Variants in CR1 observed in about 807,000 individuals in gnomAD.
CR1 encodes the protein complement C3b/C4b receptor 1 (Knops blood group).
In CR1, 116 loss-of-function variants were observed where a neutral mutation model predicts 187.3. The observed-to-expected ratio is 0.62, with a 90% CI of 0.53 to 0.72. The LOEUF is 0.72. Among genes scored for constraint, CR1 ranks in the 30% least tolerant of loss-of-function variants. The pLI, the probability that CR1 is intolerant of heterozygous loss-of-function variation, is 0.00. For missense variants in CR1, 1,731 were observed against 2,110.7 expected (o/e 0.82, Z 3.52); for synonymous variants, 576 against 747.1 (o/e 0.77, Z 3.73).
At chr1:207,615,067 C>T (rs1337670972) in intron 40 of CR1, among the ~76,000 whole-genome samples, 2 of 152,162 alleles carry the variant, frequency 1.3e-5, no homozygotes, top group South Asian at 2.1e-4. Flanking sequence ...CCTTGGCCTC[C>T]AAAAGTGTTA....
chr1:207,583,211 G>A (rs901235451), intron 32 of CR1, among the ~76,000 whole-genome samples: 1 of 152,180 alleles, frequency 6.6e-6, no homozygotes, highest in South Asian at 2.1e-4. Context: ...TGGAAGCCAA[G>A]TATGGAAATT....
At chr1:207,526,200 G>C (rs1292268363) in intron 5 of CR1, among the ~76,000 whole-genome samples, 1 of 152,034 alleles carries the variant, frequency 6.6e-6, no homozygotes, top group East Asian at 1.9e-4. Context: ...CATGAGGAGA[G>C]GAGACCCATA....
intron 40 of CR1, among the ~76,000 whole-genome samples, chr1:207,615,855 T>C (rs1662075539): frequency 6.6e-6 from 1 of 152,226 alleles, no homozygotes; most frequent in Admixed American, 6.5e-5. Context: ...AGTCAATCAT[T>C]GTTTGATGTA....
At chr1:207,604,480 C>T (rs137910590) in intron 35 of CR1, among the ~76,000 whole-genome samples, 48 of 152,280 alleles carry the variant, frequency 3.2e-4, no homozygotes, top group Admixed American at 6.5e-4. Flanking sequence ...TTGATACACA[C>T]GGATTTTGCT....
At position 207,496,237 on chromosome 1, in the gene CR1, C is replaced by T. The variant is rs1379592081; in HGVS notation, c.-31C>T. 6 of 1,613,590 alleles carry T rather than the reference C, an allele frequency of 3.7e-6. No individual in the cohort carries two copies. In the African/African-American group the frequency reaches 6.7e-5, roughly 18 times the overall value. ...CTCTTATTTCAGTTTTCTTCGAGAT[C>T]AAATCTGGTTTGTAGATGTGCTTGG... On this transcript the variant is annotated 5_prime_UTR_variant, in exon 1 of 47. Coordinates refer to ENST00000367049, the MANE Select transcript of CR1 (RefSeq NM_000651.6).
chr1:207,572,370 A>G (rs1188002014), intron 27 of CR1, among the ~76,000 whole-genome samples: 2 of 151,310 alleles, frequency 1.3e-5, no homozygotes, highest in Non-Finnish European at 1.5e-5. Flanking sequence ...GGCCTTCAGC[A>G]ACCACCACCC....
intron 35 of CR1, among the ~76,000 whole-genome samples, chr1:207,596,867 T>C (rs1414109332): frequency 1.4e-5 from 2 of 147,908 alleles, no homozygotes; most frequent in Admixed American, 1.4e-4. Flanking sequence ...TGATATAAAA[T>C]ATTATATAAA....
At chr1:207,511,758 A>G in intron 4 of CR1, 104 bp downstream of exon 4, 1 of 1,130,408 alleles carries the variant, frequency 8.8e-7, no homozygotes, top group South Asian at 1.4e-5. Flanking sequence ...TCTGTCCTTC[A>G]CACGGCTGAA....
chr1:207,575,057 T>C (rs1047305977), intron 27 of CR1, among the ~76,000 whole-genome samples: 7 of 152,328 alleles, frequency 4.6e-5, no homozygotes, highest in South Asian at 4.1e-4. Context: ...GAAAGAATGA[T>C]GATGAAAGCA....
intron 35 of CR1, among the ~76,000 whole-genome samples, chr1:207,596,041 A>ATATATCTATATCTATATATATCTATATC (rs1661428277): frequency 1.4e-5 from 2 of 142,008 alleles, no homozygotes; most frequent in African/African-American, 2.6e-5. Flanking sequence ...TATAAAATCT[A>ATATATCTATATCTATATATATCTATATC]TATATCTATA....
At chr1:207,625,902 A>G (rs1269350523) in intron 45 of CR1, among the ~76,000 whole-genome samples, 1 of 152,180 alleles carries the variant, frequency 6.6e-6, no homozygotes, top group African/African-American at 2.4e-5. Flanking sequence ...GCAATTAGGG[A>G]AGTCACAAAT....
At chr1:207,617,507 A>ATATATATATATATATGTGTGTGTG (rs1332301171) in intron 41 of CR1, among the ~76,000 whole-genome samples, 1 of 47,030 alleles carries the variant, frequency 2.1e-5, no homozygotes, top group Non-Finnish European at 4.8e-5. Flanking sequence ...ATATATATAT[A>ATATATATATATATATGTGTGTGTG]TGTGTGTGTG....
In CR1 at chr1:207,604,503, A is replaced by G. The variant is rs572273116; in HGVS notation, c.5811-2748A>G. Among the ~76,000 whole-genome samples the G allele has an allele frequency of 7.9e-5, 12 of 152,328 alleles. No homozygotes were observed. In the East Asian group the frequency reaches 2.3e-3, roughly 29 times the overall value. The stretch of plus-strand genomic sequence containing the variant: ...CACGGATTTTGCTTTGATGAATGTC[A>G]TGAGGCAGAGATCTAGCTTAGCTTT... On this transcript the variant is annotated intron_variant, in intron 35 of 46. Coordinates refer to ENST00000367049, the MANE Select transcript of CR1 (RefSeq NM_000651.6).
At chr1:207,519,318 ATAAATT>A (rs1220004151) in intron 4 of CR1, among the ~76,000 whole-genome samples, 1 of 151,898 alleles carries the variant, frequency 6.6e-6, no homozygotes, top group Admixed American at 6.5e-5. Context: ...TTAAAAATAA[ATAAATT>A]TAATATAGTT....
chr1:207,573,744 C>CAT (rs763608479), intron 27 of CR1, among the ~76,000 whole-genome samples: 29 of 151,560 alleles, frequency 1.9e-4, no homozygotes, highest in Middle Eastern at 3.4e-3. Context: ...TGATCTATAT[C>CAT]ATATATATAT....
intron 32 of CR1, among the ~76,000 whole-genome samples, chr1:207,582,387 T>C (rs1376352299): frequency 1.3e-5 from 2 of 152,218 alleles, no homozygotes; most frequent in Non-Finnish European, 2.9e-5. Context: ...AGAAAATTAT[T>C]TGAGCACCTA....
At chr1:207,566,282 T>A (rs1660493814) in intron 24 of CR1, among the ~76,000 whole-genome samples, 1 of 149,638 alleles carries the variant, frequency 6.7e-6, no homozygotes, top group Non-Finnish European at 1.5e-5. Context: ...CCTTCTTCTC[T>A]CCTTCTCCCC....
chr1:207,619,804 T>G (rs1662260959), intron 42 of CR1, 76 bp from the exon 43 acceptor site: 1 of 1,370,184 alleles, frequency 7.3e-7, no homozygotes, highest in East Asian at 2.5e-5. Context: ...GTTTTGGCTA[T>G]TTTCTCCTAT....
chr1:207,609,014 G>A (rs1398455094), intron 36 of CR1, among the ~76,000 whole-genome samples: 1 of 151,950 alleles, frequency 6.6e-6, no homozygotes, highest in African/African-American at 2.4e-5. Context: ...AACAATCTGT[G>A]ATAAAATCAC....
Sources: allele counts gnomAD v4.1 joint callset (sites outside exome capture counted in the v4.1 genomes callset), GRCh38; gene constraint gnomAD v4.1.1; transcripts MANE v1.5; gene names NCBI Gene and HGNC (gene_info 2026-07-23, HGNC 2026-07-21).